The following TULP4 variants were observed in gnomAD, a reference collection of about 807,000 sequenced individuals.
TULP4 encodes the protein TUB like protein 4.
A neutral mutation model predicts 129.0 loss-of-function variants in TULP4; 16 were observed. That is an observed-to-expected ratio of 0.12 (90% CI 0.08 to 0.19). The LOEUF is 0.19. Among genes scored for constraint, TULP4 ranks in the 10% least tolerant of loss-of-function variants. TULP4 has a pLI of 1.00. For missense variants in TULP4, 1,842 were observed against 2,059.1 expected, an observed-to-expected ratio of 0.89 and a Z score of 2.04; for synonymous variants, 998 against 854.0, an observed-to-expected ratio of 1.17 and a Z score of -2.94.
At chr6:158,402,433 T>C (rs576539287) in intron 1 of TULP4, among the ~76,000 whole-genome samples, 3 of 152,364 alleles carry the variant, frequency 2.0e-5, no homozygotes, top group South Asian at 4.1e-4. Context: ...AATTGGGAGA[T>C]AGTGTTGACT....
chr6:158,281,555 A>G (rs980257828), upstream of TULP4, among the ~76,000 whole-genome samples: 4 of 152,172 alleles, frequency 2.6e-5, no homozygotes, highest in East Asian at 3.8e-4. Context: ...TACATTTCAC[A>G]GCGAAGCAGG....
chr6:158,384,448 C>T (rs555481122), intron 1 of TULP4, among the ~76,000 whole-genome samples: 32 of 152,110 alleles, frequency 2.1e-4, no homozygotes, highest in African/African-American at 7.0e-4. Flanking sequence ...CCACCCCACC[C>T]GGCTAATTTT....
intron 2 of TULP4, among the ~76,000 whole-genome samples, chr6:158,416,360 A>G (rs1778207794): frequency 6.6e-6 from 1 of 152,324 alleles, no homozygotes; most frequent in Non-Finnish European, 1.5e-5. Context: ...CCAGTGGGAC[A>G]AGGTGTGGAG....
chr6:158,241,763 T>A (rs1425797257), intron 1 of TULP4: 4 of 434,270 alleles, frequency 9.2e-6, no homozygotes, highest in African/African-American at 2.0e-5. Context: ...CCCAGCTAAT[T>A]TTTGTATTTT....
In TULP4 at chr6:158,429,867, G is replaced by A. The variant is rs138932674; in HGVS notation, c.513G>A (p.Thr171=). 694 of 1,613,996 alleles carry A rather than the reference G, an allele frequency of 4.3e-4. 1 individual carries two copies. The highest frequency in any genetic ancestry group is 3.5e-3 in the African/African-American group (261 of 75,000). ...AAATCAACTTGGAAAGTCAAATTAC[G>A]TGTGGCATATGGACTCCTGACGACC... ...SSEINLESQI[T]CGIWTPDDQQ... The change falls in exon 3 of 14, where the codon ACG becomes ACA. Residue 171 remains threonine, a synonymous_variant. Transcript: ENST00000367097.
At chr6:158,504,425 C>G (rs977346300) in intron 13 of TULP4, among the ~76,000 whole-genome samples, 2 of 151,814 alleles carry the variant, frequency 1.3e-5, no homozygotes, top group African/African-American at 4.8e-5. Context: ...TGGCTTCCTG[C>G]AAGCTACGCC....
intron 6 of TULP4, among the ~76,000 whole-genome samples, chr6:158,472,145 G>C (rs1031112879): frequency 7.2e-5 from 11 of 152,082 alleles, no homozygotes; most frequent in Non-Finnish European, 1.6e-4. Flanking sequence ...TAAACCCTCG[G>C]GGTGTTTAAC....
At position 158,489,725 on chromosome 6, in the gene TULP4, C is replaced by T; in HGVS notation, c.1624C>T (p.Leu542Phe). 6.2e-7 allele frequency: 1 copy of T among 1,614,222 alleles called. No individual in the cohort carries two copies. Among genetic ancestry groups the T allele is most frequent in the South Asian group, 1.1e-5 (1 of 91,088 alleles). Reference protein sequence around the residue: ...KISRASKSPKLPRISIEARKS... With the variant: ...KISRASKSPKFPRISIEARKS... ...CTCCAGAGCTAGCAAATCACCCAAA[C>T]TCCCAAGGTAATCTCAGTCTTTGGG... Residue 542 changes from leucine (L) to phenylalanine (F), a missense_variant, in exon 9 of 14, where the codon CTC becomes TTC. Around this residue, in one of 5 missense-constraint regions of TULP4, gnomAD observed 456 missense variants for 534.3 expected, o/e 0.85. Coordinates refer to ENST00000367097, the MANE Select transcript of TULP4 (RefSeq NM_020245.5).
At chr6:158,394,811 A>AAAAAAAAAAAAAAG (rs1777667902) in intron 1 of TULP4, among the ~76,000 whole-genome samples, 1 of 147,848 alleles carries the variant, frequency 6.8e-6, no homozygotes, top group Non-Finnish European at 1.5e-5. Context: ...AAAAAAAAAA[A>AAAAAAAAAAAAAAG]AAAGGAACTA....
Position 158,393,527 on chromosome 6 carries a change from C to T in TULP4, c.253-19538C>T, listed in dbSNP as rs185460824. On this transcript the variant is annotated intron_variant, in intron 1 of 13. Transcript: ENST00000367097. ...GGACATCCAGGCATTTCCATACATC[C>T]TCTGAAATCTAGGCAGAGGTTTCCA... Among the ~76,000 whole-genome samples the T allele has an allele frequency of 7.4e-4, 112 of 152,352 alleles. 2 individuals are homozygous for T. The highest frequency in any genetic ancestry group is 9.3e-4 in the Non-Finnish European group (63 of 68,028).
At chr6:158,338,873 T>C (rs1780107425) in intron 1 of TULP4, among the ~76,000 whole-genome samples, 1 of 152,184 alleles carries the variant, frequency 6.6e-6, no homozygotes, top group Admixed American at 6.5e-5. Context: ...CTCTGGGAAA[T>C]GTTGCCTCAC....
chr6:158,463,699 T>TAA (rs35577143), intron 6 of TULP4, among the ~76,000 whole-genome samples: 43 of 135,280 alleles, frequency 3.2e-4, no homozygotes, highest in South Asian at 7.0e-4. Flanking sequence ...TAGACTTCAT[T>TAA]AAAAAAAAAA....
chr6:158,305,707 A>AG (rs1015873187), intron 1 of TULP4, among the ~76,000 whole-genome samples: 19 of 136,796 alleles, frequency 1.4e-4, no homozygotes, highest in African/African-American at 6.1e-4. Flanking sequence ...CCTGTCTCAA[A>AG]AAAAAAAAAA....
chr6:158,364,902 A>AT (rs1291143814), intron 1 of TULP4, among the ~76,000 whole-genome samples: 2 of 151,748 alleles, frequency 1.3e-5, no homozygotes, highest in Non-Finnish European at 1.5e-5. Context: ...CGCCTGGCTA[A>AT]TTTTTTGTAT....
intron 6 of TULP4, among the ~76,000 whole-genome samples, chr6:158,466,755 G>C (rs550524755): frequency 6.6e-6 from 1 of 152,332 alleles, no homozygotes; most frequent in African/African-American, 2.4e-5. Flanking sequence ...CTCACAGCTA[G>C]TTAAGGAAGA....
At chr6:158,478,699 G>A (rs1779873013) in intron 6 of TULP4, among the ~76,000 whole-genome samples, 2 of 152,168 alleles carry the variant, frequency 1.3e-5, no homozygotes, top group Non-Finnish European at 2.9e-5. Flanking sequence ...GATCATCAGC[G>A]CTCCATCTGT....
At position 158,413,248 on chromosome 6, in the gene TULP4, G is replaced by C. The variant is rs1294924568; in HGVS notation, c.381+55G>C. 2.6e-6 allele frequency: 4 copies of C among 1,555,724 alleles called. No individual in the cohort carries two copies. In the East Asian group the frequency reaches 6.8e-5, roughly 27 times the overall value. On this transcript the variant is annotated intron_variant, in intron 2 of 13. Transcript: ENST00000367097. The surrounding 1 kb of genome is among the most constrained non-coding windows in gnomAD (Gnocchi z 4.9). ...AGGGCTGCGGGGTAGAGGACTCCCA[G>C]ACAGGCATTCCGGAGCCAGTGCGTT...
At chr6:158,425,019 T>C (rs1009570916) in intron 2 of TULP4, among the ~76,000 whole-genome samples, 3 of 150,016 alleles carry the variant, frequency 2.0e-5, no homozygotes, top group Admixed American at 6.6e-5. Flanking sequence ...CCGGGCGTGG[T>C]GGTGGGCGCC....
At chr6:158,378,485 T>TTTTTTTTGTG (rs1554285635) in intron 1 of TULP4, among the ~76,000 whole-genome samples, 14 of 51,410 alleles carry the variant, frequency 2.7e-4, no homozygotes, top group African/African-American at 3.8e-4. Context: ...TTTTTTTTTT[T>TTTTTTTTGTG]GGTGGGGGTG....
Sources: gnomAD v4.1 joint callset for allele counts (sites outside exome capture counted in the v4.1 genomes callset) on GRCh38, gnomAD v4.1.1 for gene constraint, gnomAD v4.1.1 regional missense constraint, Gnocchi (gnomAD v3.1) non-coding constraint, MANE v1.5 for transcripts, NCBI Gene and HGNC (gene_info 2026-07-23, HGNC 2026-07-21) for gene names.